Variants in LIN7A observed in about 807,000 individuals in gnomAD.
LIN7A encodes lin-7 cell polarity scaffold A, also known as protein lin-7 homolog A.
LIN7A carries 25 observed loss-of-function variants against 29.8 expected under a neutral mutation model. The ratio of observed to expected loss-of-function variants is 0.84; its 90% CI spans 0.61 to 1.17. The LOEUF is 1.17. Ranked by LOEUF, LIN7A falls within the 50% of genes most tolerant of loss-of-function variation. The probability of loss-of-function intolerance (pLI) is 0.00; values close to 1 mark genes in which losing one functional copy is unlikely to be tolerated. For missense variants in LIN7A, 239 were observed against 287.0 expected (o/e 0.83, Z 1.21); for synonymous variants, 118 against 107.5 (o/e 1.10, Z -0.60).
At chr12:80,928,390 C>A (rs577731655) in intron 1 of LIN7A, among the ~76,000 whole-genome samples, 1 of 152,134 alleles carries the variant, frequency 6.6e-6, no homozygotes, top group Admixed American at 6.5e-5. Flanking sequence ...TTTTAATGAT[C>A]GCCATTCTAA....
chr12:80,908,820 C>T (rs973537856), intron 1 of LIN7A, among the ~76,000 whole-genome samples: 3 of 150,490 alleles, frequency 2.0e-5, no homozygotes, highest in South Asian at 2.1e-4. Context: ...ATCTTTTATT[C>T]GTTTTTTTTT....
At chr12:80,823,862 A>G (rs1038094311) in intron 4 of LIN7A, among the ~76,000 whole-genome samples, 2 of 152,248 alleles carry the variant, frequency 1.3e-5, no homozygotes, top group African/African-American at 2.4e-5. Flanking sequence ...AACCTCTGGG[A>G]TACAGCAAAA....
intron 2 of LIN7A, among the ~76,000 whole-genome samples, chr12:80,863,640 A>G (rs1873986570): frequency 6.6e-6 from 1 of 152,360 alleles, no homozygotes; most frequent in South Asian, 2.1e-4. Context: ...TGGTAGTAAC[A>G]TGTGAAAACA....
chr12:80,853,891 A>T (rs1033813747), intron 2 of LIN7A, among the ~76,000 whole-genome samples: 1 of 152,050 alleles, frequency 6.6e-6, no homozygotes, highest in Non-Finnish European at 1.5e-5. Context: ...ACGGGGTTTC[A>T]CTATATTGTT....
intron 1 of LIN7A, among the ~76,000 whole-genome samples, chr12:80,899,429 G>A (rs1876080546): frequency 6.6e-6 from 1 of 152,082 alleles, no homozygotes. Context: ...CAAGGGTGTT[G>A]GCTTGAAGTT....
chr12:80,907,055 C>CTGTGTGTGTGTGTG (rs529376132), intron 1 of LIN7A, among the ~76,000 whole-genome samples: 8 of 145,394 alleles, frequency 5.5e-5, no homozygotes, highest in East Asian at 4.1e-4. Context: ...AGTGCGTGCT[C>CTGTGTGTGTGTGTG]TGTGTGTGTG....
Position 80,811,623 on chromosome 12 carries a change from C to T in LIN7A, c.544G>A (p.Val182Ile), listed in dbSNP as rs147965628. ...VELLKAAKDSVKLVVRYTPKV... is the reference protein window; with the variant it reads ...VELLKAAKDSIKLVVRYTPKV... ...GGGGTGTATCGCACCACCAGCTTGA[C>T]GCTGTCTTTAGCAGCCTTGAGTAGT... The change falls in exon 5 of 6, where the codon GTC (valine) becomes ATC (isoleucine). Residue 182 changes from valine (V) to isoleucine (I), a missense_variant. Coordinates refer to ENST00000552864, the MANE Select transcript of LIN7A (RefSeq NM_004664.4). 1.9e-5 allele frequency: 31 copies of T among 1,613,958 alleles called. No individual in the cohort carries two copies. Among genetic ancestry groups the T allele is most frequent in the African/African-American group, 1.1e-4 (8 of 74,910 alleles).
At chr12:80,885,552 T>G (rs551644825) in intron 2 of LIN7A, among the ~76,000 whole-genome samples, 2 of 152,112 alleles carry the variant, frequency 1.3e-5, no homozygotes, top group African/African-American at 4.8e-5. Flanking sequence ...AAAACATGAC[T>G]AAGAAAAGTG....
chr12:80,841,776 T>C (rs1482344200), intron 4 of LIN7A: 6 of 515,978 alleles, frequency 1.2e-5, no homozygotes, highest in Non-Finnish European at 1.5e-5. Context: ...CTGCAACCCT[T>C]ATAAATAGTC....
chr12:80,880,764 C>T (rs962201107), intron 2 of LIN7A, among the ~76,000 whole-genome samples: 24 of 140,396 alleles, frequency 1.7e-4, no homozygotes, highest in African/African-American at 6.1e-4. Flanking sequence ...CACACACACA[C>T]ACACACACAC....
At chr12:80,825,620 G>A (rs1331074282) in intron 4 of LIN7A, among the ~76,000 whole-genome samples, 1 of 152,154 alleles carries the variant, frequency 6.6e-6, no homozygotes, top group Admixed American at 6.5e-5. Flanking sequence ...TAGCCTATAG[G>A]AAGTTTTTGA....
chr12:80,832,191 C>A (rs543250193), intron 4 of LIN7A, among the ~76,000 whole-genome samples: 4 of 152,180 alleles, frequency 2.6e-5, no homozygotes, highest in Non-Finnish European at 4.4e-5. Context: ...GTAGTGCATC[C>A]ATTTCTACTT....
At chr12:80,844,458 T>C (rs1231247522) in intron 4 of LIN7A, among the ~76,000 whole-genome samples, 1 of 152,214 alleles carries the variant, frequency 6.6e-6, no homozygotes, top group African/African-American at 2.4e-5. Flanking sequence ...AAGAATTTCA[T>C]TCTACAGTTA....
chr12:80,840,578 T>TA (rs746369896), intron 4 of LIN7A, among the ~76,000 whole-genome samples: 108 of 150,600 alleles, frequency 7.2e-4, no homozygotes, highest in Non-Finnish European at 1.1e-3. Context: ...TAAATACTGT[T>TA]AAAAAAAACT....
chr12:80,906,327 A>G (rs1193183654), intron 1 of LIN7A, among the ~76,000 whole-genome samples: 1 of 152,216 alleles, frequency 6.6e-6, no homozygotes, highest in East Asian at 1.9e-4. Context: ...TACTTCAGAG[A>G]AAAAGCTGGG....
At chr12:80,897,719 C>T (rs1052761695) in intron 1 of LIN7A, among the ~76,000 whole-genome samples, 23 of 152,022 alleles carry the variant, frequency 1.5e-4, no homozygotes, top group African/African-American at 5.1e-4. Flanking sequence ...GAGGAAGAAT[C>T]ACCTGAACCT....
chr12:80,882,486 G>A (rs1251788457), intron 2 of LIN7A, among the ~76,000 whole-genome samples: 7 of 149,834 alleles, frequency 4.7e-5, no homozygotes, highest in East Asian at 2.0e-4. Flanking sequence ...GGGTTTCACC[G>A]TTTTAGCCGG....
At chr12:80,799,650 C>A (rs912681826) in intron 5 of LIN7A, among the ~76,000 whole-genome samples, 3 of 151,780 alleles carry the variant, frequency 2.0e-5, no homozygotes, top group African/African-American at 7.3e-5. Flanking sequence ...GTTGTGGGAA[C>A]CAAAAAATCA....
chr12:80,873,775 C>G (rs1874541934), intron 2 of LIN7A, among the ~76,000 whole-genome samples: 1 of 151,512 alleles, frequency 6.6e-6, no homozygotes, highest in Non-Finnish European at 1.5e-5. Flanking sequence ...AATCCCTCAC[C>G]TGGACTATTC....
Sources: gnomAD v4.1 joint callset for allele counts (sites outside exome capture counted in the v4.1 genomes callset) on GRCh38, gnomAD v4.1.1 for gene constraint, MANE v1.5 for transcripts, NCBI Gene and HGNC (gene_info 2026-07-23, HGNC 2026-07-21) for gene names.